Variants in CELF2 observed in about 807,000 individuals in gnomAD.
The protein encoded by CELF2 is CUGBP Elav-like family member 2, also known as CUG triplet repeat RNA-binding protein 2.
Under a neutral mutation model 62.6 loss-of-function variants are expected in CELF2, and 8 were observed. The ratio of observed to expected loss-of-function variants is 0.13; its 90% confidence interval spans 0.07 to 0.23. The LOEUF is 0.23. Ranked by LOEUF, CELF2 falls within the 10% of genes least tolerant of loss-of-function variation. The pLI is 1.00. For missense variants in CELF2, 333 were observed against 671.0 expected, an observed-to-expected ratio of 0.50 and a Z score of 5.56; for synonymous variants, 258 against 250.0, an observed-to-expected ratio of 1.03 and a Z score of -0.30.
chr10:10,909,604 A>G (rs576300508), intron 1 of CELF2, among the ~76,000 whole-genome samples: 2 of 152,332 alleles, frequency 1.3e-5, no homozygotes, highest in African/African-American at 4.8e-5. Context: ...GAGAAGGAGC[A>G]TCTCTAAGAC....
At chr10:11,249,859 G>A (rs910585664) in intron 4 of CELF2, among the ~76,000 whole-genome samples, 2 of 152,214 alleles carry the variant, frequency 1.3e-5, no homozygotes, top group South Asian at 2.1e-4. Flanking sequence ...CCCTTTCAGC[G>A]AACCTTCTGT....
At chr10:10,889,163 T>C (rs1433706399) in intron 1 of CELF2, among the ~76,000 whole-genome samples, 1 of 152,240 alleles carries the variant, frequency 6.6e-6, no homozygotes, top group Non-Finnish European at 1.5e-5. Flanking sequence ...AATGTTCATG[T>C]GGGTAGATCC....
At chr10:11,079,234 T>C (rs1477998039) in intron 1 of CELF2, among the ~76,000 whole-genome samples, 1 of 152,184 alleles carries the variant, frequency 6.6e-6, no homozygotes, top group Admixed American at 6.5e-5. Context: ...TTTTTGTACT[T>C]ACCTGAACTA....
the CELF2 span, among the ~76,000 whole-genome samples, chr10:10,750,224 G>A: frequency 6.6e-6 from 1 of 151,820 alleles, no homozygotes; most frequent in African/African-American, 2.4e-5. Flanking sequence ...AGAAGTTGGA[G>A]TGAGCCGAGA....
chr10:10,596,344 T>C, the CELF2 span, among the ~76,000 whole-genome samples: 5 of 152,368 alleles, frequency 3.3e-5, no homozygotes, highest in African/African-American at 9.6e-5. Context: ...AAGTTAGTTT[T>C]TGCTTCCCTG....
chr10:10,999,367 A>G (rs2054290563), intron 2 of CELF2, among the ~76,000 whole-genome samples: 2 of 152,232 alleles, frequency 1.3e-5, no homozygotes, highest in South Asian at 4.1e-4. Context: ...ACAGATAACA[A>G]ACAAGTTAAT....
chr10:10,748,747 CAAAAAA>C, the CELF2 span, among the ~76,000 whole-genome samples: 43 of 36,988 alleles, frequency 1.2e-3, no homozygotes, highest in South Asian at 4.5e-3. Flanking sequence ...GACTCTGTCT[CAAAAAA>C]AAAAAAAAAA....
At chr10:10,833,863 G>A (rs973416881) in intron 1 of CELF2, among the ~76,000 whole-genome samples, 1 of 152,274 alleles carries the variant, frequency 6.6e-6, no homozygotes, top group East Asian at 1.9e-4. Flanking sequence ...CCCTGTTGGT[G>A]GAAGTATAAA....
intron 1 of CELF2, among the ~76,000 whole-genome samples, chr10:10,880,767 C>G (rs1157255927): frequency 6.6e-6 from 1 of 152,114 alleles, no homozygotes; most frequent in Non-Finnish European, 1.5e-5. Flanking sequence ...TGTTTTTTGT[C>G]TTAACCAAAA....
intron 1 of CELF2, among the ~76,000 whole-genome samples, chr10:10,910,755 C>T (rs1410883050): frequency 1.3e-5 from 2 of 151,124 alleles, no homozygotes; most frequent in African/African-American, 2.4e-5. Flanking sequence ...GTAAATGTCT[C>T]GCATGTGCAT....
chr10:10,696,338 C>T, the CELF2 span, among the ~76,000 whole-genome samples: 4 of 151,788 alleles, frequency 2.6e-5, no homozygotes, highest in Non-Finnish European at 5.9e-5. Context: ...CAGGGACCCA[C>T]TTGAGGAGGC....
chr10:11,233,642 G>A (rs1414011264), intron 3 of CELF2, among the ~76,000 whole-genome samples: 1 of 152,176 alleles, frequency 6.6e-6, no homozygotes, highest in Non-Finnish European at 1.5e-5. Flanking sequence ...GAATTGGTGG[G>A]TCAGCCAAAG....
upstream of CELF2, among the ~76,000 whole-genome samples, chr10:11,012,962 G>A (rs924690617): frequency 7.9e-4 from 120 of 151,780 alleles, no homozygotes; most frequent in African/African-American, 2.7e-3. This position sits in a 1 kb window ranked among gnomAD's most constrained non-coding sequence, Gnocchi z 5.5. Flanking sequence ...TTCCCCAGAC[G>A]TCTCCTTCCC....
the CELF2 span, among the ~76,000 whole-genome samples, chr10:10,518,198 T>A: frequency 6.6e-6 from 1 of 152,218 alleles, no homozygotes; most frequent in Non-Finnish European, 1.5e-5. Flanking sequence ...ATGTTGGCTC[T>A]TGCTGTAGCA....
the CELF2 span, among the ~76,000 whole-genome samples, chr10:10,684,787 G>A: frequency 6.6e-6 from 1 of 152,084 alleles, no homozygotes; most frequent in South Asian, 2.1e-4. Context: ...TGTCAAATTA[G>A]GCCAGCTCCC....
In CELF2 at chr10:11,178,155, G is replaced by T. The variant is rs754738811; in HGVS notation, c.271+12473G>T. Among the ~76,000 whole-genome samples, 1 of 152,316 alleles carries T rather than the reference G, an allele frequency of 6.6e-6. No homozygotes were observed. The highest frequency in any genetic ancestry group is 1.5e-5 in the Non-Finnish European group (1 of 68,034). ...TATGGAGTAGGCAACCTGGTTCGGC[G>T]CAAAGAGGAAATGCGCGTTCTGTGC... On this transcript the variant is annotated intron_variant, in intron 2 of 12. Coordinates refer to ENST00000633077, the MANE Select transcript of CELF2 (RefSeq NM_001326342.2). The surrounding 1 kb of genome is among the most constrained non-coding windows in gnomAD (Gnocchi z 4.3).
chr10:10,975,764 C>T (rs554902794), intron 2 of CELF2, among the ~76,000 whole-genome samples: 10 of 152,292 alleles, frequency 6.6e-5, no homozygotes, highest in South Asian at 6.2e-4. Flanking sequence ...TTAACCCAGG[C>T]GGGTTCTTGG....
chr10:11,194,638 C>G (rs1588760780), intron 2 of CELF2, among the ~76,000 whole-genome samples: 1 of 152,208 alleles, frequency 6.6e-6, no homozygotes, highest in Admixed American at 6.5e-5. Context: ...CTAGCCCTCC[C>G]CATTTTGGTT....
rs1324406223 is a variant in CELF2, at chr10:10,995,262, A to G, written c.89+75263A>G. Among the ~76,000 whole-genome samples the G allele has an allele frequency of 1.3e-5, 2 of 152,030 alleles. No individual in the cohort carries two copies. The highest frequency in any genetic ancestry group is 1.5e-5 in the Non-Finnish European group (1 of 67,994). ...GCTCATGTAGCTCGTCACATTTTTT[A>G]TTTTTATTTTTTGAAACTGGGACCA... is the stretch of plus-strand genomic sequence containing the variant. On this transcript the variant is annotated intron_variant, in intron 2 of 13. Transcript: ENST00000636488. The surrounding 1 kb of genome is among the most constrained non-coding windows in gnomAD (Gnocchi z 4.7).
Sources: allele counts gnomAD v4.1 joint callset (sites outside exome capture counted in the v4.1 genomes callset), GRCh38; gene constraint gnomAD v4.1.1; non-coding constraint Gnocchi (gnomAD v3.1); transcripts MANE v1.5; gene names NCBI Gene and HGNC (gene_info 2026-07-23, HGNC 2026-07-21).